The following NEK7 variants were observed in gnomAD, a reference collection of about 807,000 sequenced individuals.
The protein encoded by NEK7 is NIMA related kinase 7, also known as serine/threonine-protein kinase Nek7.
A neutral mutation model predicts 44.6 loss-of-function variants in NEK7; 18 were observed. The observed-to-expected ratio is 0.40, with a 90% CI of 0.28 to 0.60. The LOEUF (loss-of-function observed/expected upper bound fraction) is 0.60, where lower values mean the gene tolerates loss of function less well. Among genes scored for constraint, NEK7 ranks in the 20% least tolerant of loss-of-function variants. The pLI is 0.38. For missense variants in NEK7, 256 were observed against 366.5 expected (o/e 0.70, Z 2.46); for synonymous variants, 130 against 121.1 (o/e 1.07, Z -0.48).
At chr1:198,212,293 G>A (rs1256112374) in intron 1 of NEK7, among the ~76,000 whole-genome samples, 1 of 152,216 alleles carries the variant, frequency 6.6e-6, no homozygotes, top group Admixed American at 6.5e-5. Context: ...TGGACCAGGA[G>A]AGTCATCGCC....
chr1:198,174,659 C>A (rs985390728), intron 1 of NEK7, among the ~76,000 whole-genome samples: 1 of 152,166 alleles, frequency 6.6e-6, no homozygotes, highest in Admixed American at 6.5e-5. Flanking sequence ...CATTGCTTTA[C>A]CACTGAGATC....
chr1:198,212,971 G>A (rs979559704), intron 1 of NEK7, among the ~76,000 whole-genome samples: 7 of 152,192 alleles, frequency 4.6e-5, no homozygotes, highest in African/African-American at 1.7e-4. Flanking sequence ...GTTACAGCTG[G>A]TATTTGACAA....
chr1:198,313,088 G>A (rs1364029891), intron 9 of NEK7, among the ~76,000 whole-genome samples: 8 of 152,018 alleles, frequency 5.3e-5, no homozygotes, highest in Non-Finnish European at 5.9e-5. Flanking sequence ...CTCTTTGTAG[G>A]TCACTCAGGA....
At chr1:198,191,685 A>G (rs1286683289) in intron 1 of NEK7, among the ~76,000 whole-genome samples, 1 of 151,822 alleles carries the variant, frequency 6.6e-6, no homozygotes, top group Non-Finnish European at 1.5e-5. Flanking sequence ...CCTGAAGTGT[A>G]TTTTTCTTTA....
chr1:198,253,406 A>G (rs1653142818), intron 3 of NEK7, among the ~76,000 whole-genome samples: 1 of 152,128 alleles, frequency 6.6e-6, no homozygotes, highest in Non-Finnish European at 1.5e-5. Flanking sequence ...TGAACCTCAA[A>G]AAGCTTTCAC....
rs1442832402 is a variant in NEK7, at chr1:198,264,160, A to G, written c.297A>G (p.Ala99=). 3 of 1,603,516 alleles carry G rather than the reference A, an allele frequency of 1.9e-6. No individual in the cohort carries two copies. The highest frequency in any genetic ancestry group is 2.3e-5 in the East Asian group (1 of 44,328). Residue 99 remains alanine (A), a synonymous_variant, in exon 5 of 10, where the codon GCA becomes GCG. Transcript: ENST00000367385. ...LNHPNVIKYY[A]SFIEDNELNI... is the part of the protein sequence containing the mutation. ...ATCCAAATGTAATAAAATATTATGCATCATTCATTGAAGATAATGAACTAA... is the reference window on the plus strand; with the variant it reads ...ATCCAAATGTAATAAAATATTATGCGTCATTCATTGAAGATAATGAACTAA...
chr1:198,215,160 A>G (rs1019258378), intron 1 of NEK7, among the ~76,000 whole-genome samples: 12 of 150,320 alleles, frequency 8.0e-5, no homozygotes, highest in African/African-American at 3.0e-4. Flanking sequence ...CAGCCATACA[A>G]GAAATTCTAA....
chr1:198,238,242 A>G (rs931333059), intron 2 of NEK7, among the ~76,000 whole-genome samples: 4 of 151,998 alleles, frequency 2.6e-5, no homozygotes, highest in Admixed American at 6.6e-5. Flanking sequence ...AGTGGAGGCT[A>G]CTTATTCTCC....
rs374889533 is a variant in NEK7 at position 198,203,093 on chromosome 1, C to CCTTCCCT, written c.-28-29460_-28-29459insCTTCCCT. On this transcript the variant is annotated intron_variant, in intron 1 of 9. Transcript: ENST00000367385. ...CATGGCATTTATAACCATCCTTCCC[C>CCTTCCCT]GCTGCCAGTAATTTCTAAAGTCTGT... 2.6e-5 allele frequency among the ~76,000 whole-genome samples: 4 copies of CCTTCCCT among 152,146 alleles called. No homozygotes were observed. In the East Asian group the frequency reaches 7.7e-4, roughly 29 times the overall value.
At chr1:198,299,667 C>A (rs1654825157) in intron 9 of NEK7, among the ~76,000 whole-genome samples, 2 of 152,114 alleles carry the variant, frequency 1.3e-5, no homozygotes, top group South Asian at 4.1e-4. Context: ...TATGAGCTTA[C>A]CAAATTTGTG....
chr1:198,266,661 T>G (rs996949324), intron 5 of NEK7, among the ~76,000 whole-genome samples: 1 of 152,088 alleles, frequency 6.6e-6, no homozygotes, highest in Non-Finnish European at 1.5e-5. Context: ...TCTACATCAA[T>G]AAAATTGGGT....
At position 198,320,648 on chromosome 1, in the gene NEK7, T is replaced by A. The variant is rs1218815851; in HGVS notation, c.*1126T>A. ...TTTTTAAAATTTGGGCCACTCTGTA[T>A]GCATATGTTTGGTCTTGTTAAAGAG... On this transcript the variant is annotated 3_prime_UTR_variant, in exon 10 of 10. Transcript: ENST00000367385. The A allele has an allele frequency of 6.6e-6, 1 of 152,174 alleles. No individual in the cohort carries two copies. Among genetic ancestry groups the A allele is most frequent in the Non-Finnish European group, 1.5e-5 (1 of 68,016 alleles). 9.4% of individuals were successfully genotyped at this position (152,174 alleles called of 1,614,324 possible).
chr1:198,294,542 T>G (rs1654655393), intron 8 of NEK7, among the ~76,000 whole-genome samples: 1 of 152,050 alleles, frequency 6.6e-6, no homozygotes, highest in African/African-American at 2.4e-5. Flanking sequence ...AATTTAGCAA[T>G]AAAAAAGAAA....
chr1:198,272,010 T>G (rs1653868354), intron 5 of NEK7, among the ~76,000 whole-genome samples: 1 of 150,160 alleles, frequency 6.7e-6, no homozygotes, highest in Non-Finnish European at 1.5e-5. Flanking sequence ...CTGTATAAAT[T>G]TATGTCTACA....
chr1:198,263,684 T>C (rs1362839957), intron 4 of NEK7, among the ~76,000 whole-genome samples: 2 of 151,934 alleles, frequency 1.3e-5, no homozygotes, highest in African/African-American at 4.8e-5. Context: ...CTGTGTTTTG[T>C]CTACTAGCTG....
At chr1:198,291,931 A>G (rs1238266556) in intron 7 of NEK7, among the ~76,000 whole-genome samples, 1 of 152,096 alleles carries the variant, frequency 6.6e-6, no homozygotes, top group Non-Finnish European at 1.5e-5. Flanking sequence ...TGTTAGTCTT[A>G]TTTAAGATTT....
chr1:198,198,066 A>G, intron 1 of NEK7: 1 of 1,461,370 alleles, frequency 6.8e-7, no homozygotes. Context: ...AGAGGAAGAA[A>G]GGGGCCTTGG....
chr1:198,293,985 G>A (rs1382299854), intron 8 of NEK7, among the ~76,000 whole-genome samples: 4 of 151,788 alleles, frequency 2.6e-5, no homozygotes, highest in Admixed American at 1.3e-4. Flanking sequence ...TGAAATATAT[G>A]ATGAAATCAT....
intron 3 of NEK7, among the ~76,000 whole-genome samples, chr1:198,261,380 T>C (rs184511365): frequency 1.3e-5 from 2 of 152,118 alleles, no homozygotes; most frequent in East Asian, 3.9e-4. Flanking sequence ...GCCTCAATCC[T>C]CATCTTGTTA....
Sources: allele counts gnomAD v4.1 joint callset (sites outside exome capture counted in the v4.1 genomes callset), GRCh38; gene constraint gnomAD v4.1.1; transcripts MANE v1.5; gene names NCBI Gene and HGNC (gene_info 2026-07-23, HGNC 2026-07-21).